Variants in TANC2 observed in about 807,000 individuals in gnomAD.
TANC2 encodes the protein protein TANC2.
Under a neutral mutation model 210.5 loss-of-function variants are expected in TANC2, and 26 were observed. The observed-to-expected ratio is 0.12, with a 90% CI of 0.09 to 0.17. TANC2 has a LOEUF of 0.17. Among genes scored for constraint, TANC2 ranks in the 10% least tolerant of loss-of-function variants. The probability of loss-of-function intolerance (pLI) is 1.00; values close to 1 mark genes in which losing one functional copy is unlikely to be tolerated. For missense variants in TANC2, 2,129 were observed against 2,608.9 expected (o/e 0.82, Z 4.01); for synonymous variants, 931 against 967.1 (o/e 0.96, Z 0.69).
At chr17:63,010,060 G>T (rs1263639768) in intron 2 of TANC2, among the ~76,000 whole-genome samples, 1 of 152,058 alleles carries the variant, frequency 6.6e-6, no homozygotes, top group African/African-American at 2.4e-5. Context: ...AAGTTTATGG[G>T]TTTTCTTTTT....
At chr17:63,377,293 C>G (rs915096464) in intron 14 of TANC2, among the ~76,000 whole-genome samples, 2 of 152,200 alleles carry the variant, frequency 1.3e-5, no homozygotes, top group African/African-American at 4.8e-5. Context: ...TAGATTTCTC[C>G]CTAGAAAATG....
At chr17:63,243,882 C>A (rs2042845288) in intron 8 of TANC2, among the ~76,000 whole-genome samples, 1 of 152,170 alleles carries the variant, frequency 6.6e-6, no homozygotes, top group Non-Finnish European at 1.5e-5. Context: ...TAGTTCATCC[C>A]TAAAGAACTG....
intron 9 of TANC2, among the ~76,000 whole-genome samples, chr17:63,272,281 T>G (rs1283656522): frequency 6.6e-6 from 1 of 152,186 alleles, no homozygotes; most frequent in Non-Finnish European, 1.5e-5. Flanking sequence ...TGCAGTCTTA[T>G]TTCCTGGTTC....
At chr17:63,340,569 T>C (rs770581416) in intron 12 of TANC2, among the ~76,000 whole-genome samples, 7 of 152,198 alleles carry the variant, frequency 4.6e-5, no homozygotes, top group Admixed American at 1.3e-4. Flanking sequence ...CCAAATAGAA[T>C]GCCTTTTCCT....
intron 11 of TANC2, among the ~76,000 whole-genome samples, chr17:63,336,608 T>A (rs2046038302): frequency 6.6e-6 from 1 of 152,226 alleles, no homozygotes. Context: ...TTTTCTTTCT[T>A]CCCTCACAAG....
chr17:63,327,508 C>A (rs1330625358), intron 11 of TANC2, among the ~76,000 whole-genome samples: 1 of 152,126 alleles, frequency 6.6e-6, no homozygotes, highest in Non-Finnish European at 1.5e-5. Flanking sequence ...TTTAAAAAAG[C>A]AGTTTGGAAA....
At chr17:63,111,060 C>T (rs1198634575) in intron 4 of TANC2, among the ~76,000 whole-genome samples, 1 of 152,124 alleles carries the variant, frequency 6.6e-6, no homozygotes, top group East Asian at 1.9e-4. Context: ...CACCTGTAAT[C>T]CCAGCAATTT....
chr17:63,425,029 AT>A (rs1253168404), exon 28 of TANC2: 1 of 152,254 alleles, frequency 6.6e-6, no homozygotes, highest in East Asian at 1.9e-4. Context: ...TTAACAATTA[AT>A]GTTTATTTAC....
At chr17:63,167,681 G>C (rs960383671) in intron 5 of TANC2, among the ~76,000 whole-genome samples, 3 of 151,892 alleles carry the variant, frequency 2.0e-5, no homozygotes, top group African/African-American at 7.3e-5. Context: ...ATAGTTTTAT[G>C]TGAAAACTAG....
At chr17:63,134,263 C>T (rs920467711) in intron 4 of TANC2, among the ~76,000 whole-genome samples, 2 of 152,138 alleles carry the variant, frequency 1.3e-5, no homozygotes, top group African/African-American at 4.8e-5. Context: ...GGTATGTCTC[C>T]ATGTTCCTCT....
At chr17:63,227,958 G>C (rs1388228770) in intron 7 of TANC2, among the ~76,000 whole-genome samples, 2 of 152,134 alleles carry the variant, frequency 1.3e-5, no homozygotes, top group Admixed American at 1.3e-4. Context: ...CCGCCTCCTG[G>C]ATTCAAGCGA....
At chr17:63,335,568 G>A (rs565370452) in intron 11 of TANC2, among the ~76,000 whole-genome samples, 183 of 150,372 alleles carry the variant, frequency 1.2e-3, no homozygotes, top group Non-Finnish European at 1.6e-3. Context: ...AGCCGAGATC[G>A]CACCATTGCA....
intron 2 of TANC2, among the ~76,000 whole-genome samples, chr17:63,053,893 C>G (rs771114277): frequency 1.3e-5 from 2 of 152,210 alleles, no homozygotes; most frequent in Non-Finnish European, 2.9e-5. Flanking sequence ...AATCCAACCT[C>G]TTCTCACTAC....
intron 11 of TANC2, among the ~76,000 whole-genome samples, chr17:63,338,358 A>C (rs762795426): frequency 5.3e-5 from 8 of 152,198 alleles, no homozygotes; most frequent in Non-Finnish European, 1.2e-4. Context: ...AAATCAGTAA[A>C]ATAATGCTTT....
chr17:63,046,188 C>CTT (rs1226998619), intron 2 of TANC2, among the ~76,000 whole-genome samples: 2 of 151,318 alleles, frequency 1.3e-5, no homozygotes, highest in Admixed American at 1.3e-4. Flanking sequence ...GAGACAGAGT[C>CTT]TCACTCTGTT....
intron 14 of TANC2, among the ~76,000 whole-genome samples, chr17:63,356,285 C>T (rs1430676606): frequency 3.3e-5 from 5 of 152,116 alleles, no homozygotes; most frequent in Admixed American, 1.3e-4. Flanking sequence ...TTTTTAAAGA[C>T]GTATTCCTTT....
At chr17:62,968,072 T>C (rs2031465330) in intron 1 of TANC2, among the ~76,000 whole-genome samples, 1 of 152,222 alleles carries the variant, frequency 6.6e-6, no homozygotes, top group Non-Finnish European at 1.5e-5. Context: ...ACCAACATGC[T>C]GCAAAACATT....
At chr17:63,124,533 AAGAG>A (rs1348619974) in intron 4 of TANC2, among the ~76,000 whole-genome samples, 2 of 152,214 alleles carry the variant, frequency 1.3e-5, no homozygotes, top group African/African-American at 4.8e-5. Context: ...AGGAGAAAGA[AAGAG>A]AGAGGCTACA....
chr17:63,000,383 A>T (rs2033318584), intron 1 of TANC2, among the ~76,000 whole-genome samples: 1 of 152,218 alleles, frequency 6.6e-6, no homozygotes, highest in Non-Finnish European at 1.5e-5. Context: ...AAACAACAGG[A>T]TAAGAAAAGG....
Sources: allele counts gnomAD v4.1 joint callset (sites outside exome capture counted in the v4.1 genomes callset), GRCh38; gene constraint gnomAD v4.1.1; transcripts MANE v1.5; gene names NCBI Gene and HGNC (gene_info 2026-07-23, HGNC 2026-07-21).